The following SGCZ variants were observed in gnomAD, a reference collection of about 807,000 sequenced individuals.
The protein encoded by SGCZ is sarcoglycan zeta, also known as zeta-sarcoglycan.
Under a neutral mutation model 41.3 loss-of-function variants are expected in SGCZ, and 40 were observed. The observed-to-expected ratio is 0.97, with a 90% CI of 0.75 to 1.26. The LOEUF is 1.26. Ranked by LOEUF, SGCZ falls within the 50% of genes most tolerant of loss-of-function variation. The pLI is 0.00. For missense variants in SGCZ, 552 were observed against 369.8 expected, an observed-to-expected ratio of 1.49 and a Z score of -4.04; for synonymous variants, 206 against 137.5, an observed-to-expected ratio of 1.50 and a Z score of -3.49.
At chr8:15,012,614 T>TATATTTATATAATATATAA (rs1802875579) in intron 1 of SGCZ, among the ~76,000 whole-genome samples, 1 of 126,172 alleles carries the variant, frequency 7.9e-6, no homozygotes, top group Non-Finnish European at 1.6e-5. Context: ...ATAATACATA[T>TATATTTATATAATATATAA]ATGTTTATAT....
intron 3 of SGCZ, among the ~76,000 whole-genome samples, chr8:14,256,514 G>C (rs1485853392): frequency 6.6e-6 from 1 of 151,174 alleles, no homozygotes. Context: ...ATACATATAT[G>C]ATATATAAAT....
chr8:14,233,318 C>T (rs928336690), intron 4 of SGCZ, among the ~76,000 whole-genome samples: 1 of 151,592 alleles, frequency 6.6e-6, no homozygotes. Context: ...GCCATGCTGG[C>T]TAAGTTTTTT....
At chr8:14,197,234 C>T (rs1470732757) in intron 4 of SGCZ, among the ~76,000 whole-genome samples, 6 of 152,032 alleles carry the variant, frequency 3.9e-5, no homozygotes, top group African/African-American at 1.4e-4. Flanking sequence ...AAAAATAATA[C>T]TAATTCTCAA....
intron 1 of SGCZ, among the ~76,000 whole-genome samples, chr8:15,049,577 G>A (rs1160627045): frequency 6.6e-6 from 1 of 152,160 alleles, no homozygotes; most frequent in African/African-American, 2.4e-5. Context: ...GAAGCATGGA[G>A]ACCAATTAGG....
chr8:14,998,848 A>G (rs996571475), intron 1 of SGCZ, among the ~76,000 whole-genome samples: 2 of 152,160 alleles, frequency 1.3e-5, no homozygotes, highest in African/African-American at 4.8e-5. Flanking sequence ...CCTATTATAA[A>G]TGTCTCTATA....
intron 1 of SGCZ, among the ~76,000 whole-genome samples, chr8:14,729,735 G>C (rs778363610): frequency 6.6e-6 from 1 of 152,146 alleles, no homozygotes; most frequent in Non-Finnish European, 1.5e-5. Context: ...CTTGAAAACT[G>C]ATACATATTT....
At chr8:14,797,542 G>A (rs985800875) in intron 1 of SGCZ, among the ~76,000 whole-genome samples, 2 of 152,192 alleles carry the variant, frequency 1.3e-5, no homozygotes, top group African/African-American at 2.4e-5. Context: ...TAAAGGATGG[G>A]AAAATTTACA....
intron 1 of SGCZ, among the ~76,000 whole-genome samples, chr8:14,606,027 C>A (rs552384616): frequency 6.6e-6 from 1 of 151,972 alleles, no homozygotes; most frequent in East Asian, 1.9e-4. Flanking sequence ...ATGTAAGCAC[C>A]ATATCTAATT....
intron 2 of SGCZ, among the ~76,000 whole-genome samples, chr8:14,520,943 G>C (rs1802770418): frequency 6.6e-6 from 1 of 152,110 alleles, no homozygotes. Context: ...CTTAGCAATA[G>C]TAAAACATAG....
At chr8:14,265,057 G>T (rs939658723) in intron 3 of SGCZ, among the ~76,000 whole-genome samples, 1 of 152,170 alleles carries the variant, frequency 6.6e-6, no homozygotes, top group Non-Finnish European at 1.5e-5. Flanking sequence ...AGGTGTCATT[G>T]CATATCCACA....
chr8:14,881,059 C>A (rs1229916638), intron 1 of SGCZ, among the ~76,000 whole-genome samples: 1 of 151,954 alleles, frequency 6.6e-6, no homozygotes, highest in African/African-American at 2.4e-5. Context: ...GTGACCTTGG[C>A]CTGTGACTTA....
intron 1 of SGCZ, among the ~76,000 whole-genome samples, chr8:14,836,945 A>G (rs1802721084): frequency 6.6e-6 from 1 of 152,210 alleles, no homozygotes; most frequent in Non-Finnish European, 1.5e-5. Context: ...TTAAATTAGA[A>G]TATCATTCTG....
intron 1 of SGCZ, among the ~76,000 whole-genome samples, chr8:15,161,764 G>A (rs377095208): frequency 5.3e-5 from 8 of 152,188 alleles, no homozygotes; most frequent in African/African-American, 9.6e-5. Context: ...GCTGGGTGCC[G>A]TGGCTCACAT....
At chr8:14,277,230 C>A (rs1468258717) in intron 3 of SGCZ, among the ~76,000 whole-genome samples, 1 of 152,146 alleles carries the variant, frequency 6.6e-6, no homozygotes, top group African/African-American at 2.4e-5. Context: ...TGTCTTCTAT[C>A]TTTTTTCACT....
chr8:14,565,214 T>C (rs1042527720), intron 1 of SGCZ, among the ~76,000 whole-genome samples: 2 of 152,200 alleles, frequency 1.3e-5, no homozygotes, highest in East Asian at 3.9e-4. Context: ...TTTTTTTCAG[T>C]CATTCTTAGT....
At chr8:14,375,529 A>G (rs1254898497) in intron 2 of SGCZ, among the ~76,000 whole-genome samples, 1 of 152,130 alleles carries the variant, frequency 6.6e-6, no homozygotes, top group Non-Finnish European at 1.5e-5. Context: ...TTAAAATAAA[A>G]CTCTCTGATT....
At chr8:14,315,212 G>GACCT (rs1212041849) in intron 3 of SGCZ, among the ~76,000 whole-genome samples, 1 of 152,086 alleles carries the variant, frequency 6.6e-6, no homozygotes, top group Non-Finnish European at 1.5e-5. Context: ...GGAATAAAAT[G>GACCT]ACCTACATTG....
In SGCZ at chr8:14,156,132, C is replaced by T. The variant is rs866826936; in HGVS notation, c.547+8448G>A. Among the ~76,000 whole-genome samples the T allele has an allele frequency of 1.1e-4, 17 of 152,186 alleles. No individual in the cohort carries two copies. The South Asian group carries it at 3.1e-3, about 28-fold the overall frequency. On this transcript the variant is annotated intron_variant, in intron 5 of 7. Coordinates refer to ENST00000382080, the MANE Select transcript of SGCZ (RefSeq NM_139167.4). The stretch of plus-strand genomic sequence containing the variant: ...GAACTTTACTGTCCACTACTGTACA[C>T]TTTATAAACACTGTGCATAGAGGCG...
intron 1 of SGCZ, among the ~76,000 whole-genome samples, chr8:15,106,425 C>G (rs988772233): frequency 6.6e-6 from 1 of 151,850 alleles, no homozygotes; most frequent in Admixed American, 6.6e-5. Context: ...CATTCATATA[C>G]TTTAATTTTA....
Sources: allele counts gnomAD v4.1 joint callset (sites outside exome capture counted in the v4.1 genomes callset), GRCh38; gene constraint gnomAD v4.1.1; transcripts MANE v1.5; gene names NCBI Gene and HGNC (gene_info 2026-07-23, HGNC 2026-07-21).